GPC5: variants seen among roughly 807,000 people sequenced by gnomAD.
GPC5 encodes glypican 5.
Under a neutral mutation model 53.9 loss-of-function variants are expected in GPC5, and 47 were observed. That is an observed-to-expected ratio of 0.87 (90% CI 0.69 to 1.11). GPC5 has a LOEUF of 1.11. GPC5 is among the 50% of genes most tolerant of loss of function. GPC5 has a pLI of 0.00. For missense variants in GPC5, 748 were observed against 713.1 expected, an observed-to-expected ratio of 1.05 and a Z score of -0.56; for synonymous variants, 286 against 263.3, an observed-to-expected ratio of 1.09 and a Z score of -0.84.
In GPC5 at chr13:92,444,715, T is replaced by TAA. The variant is rs71910602; in HGVS notation, c.1561+299750_1561+299751dup. 1.8e-3 allele frequency among the ~76,000 whole-genome samples: 153 copies of TAA among 84,168 alleles called. 1 individual carries two copies. The highest frequency in any genetic ancestry group is 2.7e-3 in the Non-Finnish European group (116 of 43,720). The allele number at this position is 84,168 out of a possible 152,430, so 55.2% of individuals were successfully genotyped here. The stretch of plus-strand genomic sequence containing the variant: ...AAGAGAAGAGTGGATTCCTGAAATC[T>TAA]AAAAAAAAAAAAAAAAAAAAAAAAA... On this transcript the variant is annotated intron_variant, in intron 7 of 7. Transcript: ENST00000377067.
chr13:91,481,066 A>C (rs1430058861), intron 2 of GPC5, among the ~76,000 whole-genome samples: 2 of 152,096 alleles, frequency 1.3e-5, no homozygotes, highest in African/African-American at 4.8e-5. Flanking sequence ...GTGCCTAATC[A>C]GCTGGCTTCT....
At chr13:92,716,038 A>G (rs1036955597) in intron 7 of GPC5, among the ~76,000 whole-genome samples, 9 of 152,212 alleles carry the variant, frequency 5.9e-5, no homozygotes, top group Admixed American at 5.2e-4. Flanking sequence ...CTTATTGTCA[A>G]TGATGAAGAA....
At chr13:91,571,917 CATATTGTATATAT>C (rs1566516165) in intron 2 of GPC5, among the ~76,000 whole-genome samples, 9 of 105,072 alleles carry the variant, frequency 8.6e-5, no homozygotes, top group East Asian at 7.9e-4. Context: ...TATATATACA[CATATTGTATATAT>C]ACACACATGT....
At chr13:92,574,812 A>G (rs564061163) in intron 7 of GPC5, among the ~76,000 whole-genome samples, 2 of 152,210 alleles carry the variant, frequency 1.3e-5, no homozygotes, top group Non-Finnish European at 2.9e-5. Flanking sequence ...CCTACTCGGA[A>G]GAATGTTTAT....
intron 2 of GPC5, among the ~76,000 whole-genome samples, chr13:91,588,366 TG>T (rs2032673487): frequency 6.6e-6 from 1 of 152,172 alleles, no homozygotes; most frequent in South Asian, 2.1e-4. Flanking sequence ...AACAAGTTTC[TG>T]CTGTCACACT....
intron 7 of GPC5, among the ~76,000 whole-genome samples, chr13:92,323,298 T>A (rs1302782232): frequency 6.7e-6 from 1 of 150,006 alleles, no homozygotes; most frequent in Admixed American, 6.7e-5. Flanking sequence ...AAAAAATACA[T>A]ACATATACAA....
At chr13:91,743,947 G>T (rs559900582) in intron 4 of GPC5, among the ~76,000 whole-genome samples, 2 of 152,062 alleles carry the variant, frequency 1.3e-5, no homozygotes, top group East Asian at 1.9e-4. Context: ...GATTCATTCT[G>T]GTTTGATGAC....
chr13:92,077,327 T>C (rs1264684523), intron 6 of GPC5, among the ~76,000 whole-genome samples: 1 of 152,214 alleles, frequency 6.6e-6, no homozygotes, highest in Non-Finnish European at 1.5e-5. Flanking sequence ...ACCTGTTCTA[T>C]TGAATGAACT....
intron 6 of GPC5, among the ~76,000 whole-genome samples, chr13:92,095,340 A>T (rs2041413545): frequency 6.6e-6 from 1 of 151,836 alleles, no homozygotes; most frequent in African/African-American, 2.4e-5. Flanking sequence ...TAGTTTTCCT[A>T]AATATTTAAT....
chr13:91,524,758 T>A (rs980567118), intron 2 of GPC5, among the ~76,000 whole-genome samples: 1 of 152,160 alleles, frequency 6.6e-6, no homozygotes, highest in Admixed American at 6.5e-5. Context: ...GGAGAGAACA[T>A]AATTCACCCT....
At chr13:91,760,997 C>T (rs902599703) in intron 5 of GPC5, among the ~76,000 whole-genome samples, 1 of 152,166 alleles carries the variant, frequency 6.6e-6, no homozygotes, top group Non-Finnish European at 1.5e-5. Context: ...GTATCTCTTA[C>T]AGTCTCTTTT....
intron 7 of GPC5, among the ~76,000 whole-genome samples, chr13:92,356,493 G>C (rs2043523523): frequency 6.6e-6 from 1 of 152,184 alleles, no homozygotes; most frequent in Admixed American, 6.5e-5. Flanking sequence ...TAGTGTCTTA[G>C]ACCAGACCCC....
At chr13:91,652,892 A>C (rs2034751385) in intron 2 of GPC5, among the ~76,000 whole-genome samples, 1 of 152,168 alleles carries the variant, frequency 6.6e-6, no homozygotes, top group South Asian at 2.1e-4. Flanking sequence ...CACCTTGGGG[A>C]GATCTTTTGA....
chr13:91,977,955 A>AG lies in GPC5; in HGVS notation c.1401+69898_1401+69899insG, dbSNP rs1555301807. Among the ~76,000 whole-genome samples, 279 of 142,978 alleles carry AG rather than the reference A, an allele frequency of 2.0e-3. 2 individuals are homozygous for AG. Among genetic ancestry groups the AG allele is most frequent in the African/African-American group, 7.4e-3 (257 of 34,622 alleles). The allele number at this position is 142,978 out of a possible 152,430, so 93.8% of individuals were successfully genotyped here. On this transcript the variant is annotated intron_variant, in intron 6 of 7. Coordinates refer to ENST00000377067, the MANE Select transcript of GPC5 (RefSeq NM_004466.6). ...AACGAGACCGCCATCTCTAAAAGAA[A>AG]AAAGAAAGAAAGAAAGAAAGAAAGA... is the stretch of plus-strand genomic sequence containing the variant.
intron 7 of GPC5, among the ~76,000 whole-genome samples, chr13:92,619,785 A>AT (rs1366233961): frequency 6.6e-6 from 1 of 151,904 alleles, no homozygotes; most frequent in Non-Finnish European, 1.5e-5. Flanking sequence ...AACAACAAGA[A>AT]TTTTTTTTAT....
intron 6 of GPC5, among the ~76,000 whole-genome samples, chr13:92,094,990 AC>A (rs2041410900): frequency 6.6e-6 from 1 of 152,252 alleles, no homozygotes; most frequent in African/African-American, 2.4e-5. Flanking sequence ...TCTTATTTAC[AC>A]AAACACAAGA....
intron 7 of GPC5, among the ~76,000 whole-genome samples, chr13:92,215,888 G>A (rs889760547): frequency 1.3e-5 from 2 of 152,170 alleles, no homozygotes; most frequent in South Asian, 2.1e-4. Context: ...AGTGGGCTCC[G>A]TTTGAGGGAA....
intron 6 of GPC5, among the ~76,000 whole-genome samples, chr13:92,046,967 T>G (rs2138832442): frequency 6.6e-6 from 1 of 152,326 alleles, no homozygotes; most frequent in East Asian, 1.9e-4. Context: ...AAAGCACTTT[T>G]GGGGTCTATT....
chr13:92,188,829 A>G (rs1017327098), intron 7 of GPC5, among the ~76,000 whole-genome samples: 1 of 152,202 alleles, frequency 6.6e-6, no homozygotes, highest in African/African-American at 2.4e-5. Flanking sequence ...TTTGCACATC[A>G]CCATGCCACC....
Sources: allele counts gnomAD v4.1 joint callset (sites outside exome capture counted in the v4.1 genomes callset), GRCh38; gene constraint gnomAD v4.1.1; transcripts MANE v1.5; gene names NCBI Gene and HGNC (gene_info 2026-07-23, HGNC 2026-07-21).